YLPM1: variants seen among roughly 807,000 people sequenced by gnomAD.
The protein encoded by YLPM1 is YLP motif containing 1, also known as YLP motif-containing protein 1.
In YLPM1, 99 loss-of-function variants were observed where a neutral mutation model predicts 230.0. That is an observed-to-expected ratio of 0.43 (90% CI 0.37 to 0.51). The LOEUF (loss-of-function observed/expected upper bound fraction) is 0.51, where lower values mean the gene tolerates loss of function less well. Among genes scored for constraint, YLPM1 ranks in the 20% least tolerant of loss-of-function variants. YLPM1 has a pLI of 0.00. For missense variants in YLPM1, 2,592 were observed against 2,707.7 expected (o/e 0.96, Z 0.95); for synonymous variants, 984 against 942.5 (o/e 1.04, Z -0.81).
intron 16 of YLPM1, among the ~76,000 whole-genome samples, 196 bp downstream of exon 16, chr14:74,818,510 C>T (rs1374720460): frequency 6.6e-6 from 1 of 152,134 alleles, no homozygotes; most frequent in African/African-American, 2.4e-5. Context: ...TATTAACATT[C>T]TTGTTAATGA....
At chr14:74,785,095 C>T (rs797016303) in intron 4 of YLPM1, among the ~76,000 whole-genome samples, 81 of 152,266 alleles carry the variant, frequency 5.3e-4, no homozygotes, top group African/African-American at 1.9e-3. Context: ...CTTCCCAGGT[C>T]TTTTTCACAT....
At position 74,824,326 on chromosome 14, in the gene YLPM1, C is replaced by CTG. The variant is rs1285988177; in HGVS notation, c.6163+21_6163+22dup. 1 of 1,609,974 alleles carries CTG rather than the reference C, an allele frequency of 6.2e-7. No homozygotes were observed. Among genetic ancestry groups the CTG allele is most frequent in the Non-Finnish European group, 8.5e-7 (1 of 1,177,462 alleles). On this transcript the variant is annotated intron_variant, in intron 18 of 20. Coordinates refer to ENST00000325680, the MANE Select transcript of YLPM1 (RefSeq NM_019589.3). ...AAGCTAGGTGGGTATTTCCTTTTTC[C>CTG]TGTTTTTATATGTGATACCTGATGG... is the stretch of plus-strand genomic sequence containing the variant.
chr14:74,763,976 T>C lies in YLPM1; in HGVS notation c.487T>C (p.Ser163Pro). The C allele has an allele frequency of 7.2e-7, 1 of 1,380,394 alleles. No homozygotes were observed. The highest frequency in any genetic ancestry group is 9.6e-7 in the Non-Finnish European group (1 of 1,044,578). 85.5% of individuals were successfully genotyped at this position (1,380,394 alleles called of 1,614,324 possible). A position where few individuals can be genotyped will look rare whatever the true frequency, so the allele number is the denominator to read the frequency against. The change falls in exon 1 of 21, where the codon TCT (serine) becomes CCT (proline). Residue 163 changes from serine to proline, a missense_variant. Coordinates refer to ENST00000325680, the MANE Select transcript of YLPM1 (RefSeq NM_019589.3). ...PPGSYMPPSQ[S>P]YMPPPQPPPS... ...TGGGTCCTATATGCCCCCATCTCAGTCTTACATGCCCCCACCTCAGCCGCC... is the reference window on the plus strand; with the variant it reads ...TGGGTCCTATATGCCCCCATCTCAGCCTTACATGCCCCCACCTCAGCCGCC...
At chr14:74,829,390 G>A (rs760688445) in intron 19 of YLPM1, 47 bp downstream of exon 19, 50 of 1,608,138 alleles carry the variant, frequency 3.1e-5, no homozygotes, top group Admixed American at 6.7e-5. Flanking sequence ...GGCCCATTTA[G>A]GCATCTGGTT....
chr14:74,783,508 C>T (rs1215930998), intron 4 of YLPM1, among the ~76,000 whole-genome samples: 1 of 152,134 alleles, frequency 6.6e-6, no homozygotes, highest in African/African-American at 2.4e-5. Context: ...CTAATTCCAC[C>T]ATCTGGAGAG....
At chr14:74,831,343 G>A (rs531905448) in intron 19 of YLPM1, among the ~76,000 whole-genome samples, 1 of 152,274 alleles carries the variant, frequency 6.6e-6, no homozygotes, top group East Asian at 1.9e-4. Flanking sequence ...GATGGGTAAG[G>A]GAGAGCCCAC....
chr14:74,790,289 T>G (rs2091193407), intron 4 of YLPM1, among the ~76,000 whole-genome samples: 1 of 152,194 alleles, frequency 6.6e-6, no homozygotes, highest in Non-Finnish European at 1.5e-5. Context: ...TTGTTCTTGT[T>G]TATAGTGATA....
rs901407625 is a variant in YLPM1, at chr14:74,772,306, C to T, written c.874-6141C>T. On this transcript the variant is annotated intron_variant, in intron 1 of 20. Transcript: ENST00000325680. The stretch of plus-strand genomic sequence containing the variant: ...CTGGGCTCAAGCGATATTCGTGCCT[C>T]GGCAGCATCTTTCTTAATAACAGTA... Among the ~76,000 whole-genome samples the T allele has an allele frequency of 9.3e-5, 14 of 150,806 alleles. No individual in the cohort carries two copies. In the East Asian group the frequency reaches 1.9e-3, roughly 21 times the overall value.
chr14:74,821,077 T>C lies in YLPM1; in HGVS notation c.6051T>C (p.Asp2017=). ...AIEEVEMEDF[D]ANIEEQKEEK... ...TATAGGTAGAGATGGAAGATTTTGA[T>C]GCAAATATCGAAGAACAGAAAGAAG... The change falls in exon 17 of 21, where the codon GAT becomes GAC. Residue 2017 remains aspartate, a synonymous_variant. Coordinates refer to ENST00000325680, the MANE Select transcript of YLPM1 (RefSeq NM_019589.3). The C allele has an allele frequency of 6.5e-7, 1 of 1,534,280 alleles. No individual in the cohort carries two copies. The highest frequency in any genetic ancestry group is 8.8e-7 in the Non-Finnish European group (1 of 1,140,198).
chr14:74,821,274 G>A, intron 17 of YLPM1, 137 bp downstream of exon 17: 1 of 1,258,654 alleles, frequency 7.9e-7, no homozygotes, highest in East Asian at 2.8e-5. Flanking sequence ...CATCTTCAAG[G>A]AGACTTTTGG....
chr14:74,816,257 C>T lies in YLPM1; in HGVS notation c.5557C>T (p.Leu1853Phe). The T allele has an allele frequency of 1.2e-6, 2 of 1,610,792 alleles. No individual in the cohort carries two copies. Among genetic ancestry groups the T allele is most frequent in the Non-Finnish European group, 1.7e-6 (2 of 1,178,840 alleles). Residue 1853 changes from leucine (L) to phenylalanine (F), a missense_variant, in exon 12 of 21, where the codon CTT becomes TTT. This residue lies in a region of YLPM1 where 315 missense variants were observed against 429.3 expected (regional missense o/e 0.73). Transcript: ENST00000325680. ...PGSGKTHVAK[L>F]IRDKEVEFGG... ...CAGTGGAAAGACACATGTTGCAAAA[C>T]TTATTCGAGTGAGTATGGGGAAGCT...
rs748506993 is a variant in YLPM1, at chr14:74,778,670, C to A, written c.1097C>A (p.Pro366His). ...GAGGAAGTGCCACCTCCTCTCCCACCTGAGGAACCCCAGGTAACCATATAA... is the reference window on the plus strand; with the variant it reads ...GAGGAAGTGCCACCTCCTCTCCCACATGAGGAACCCCAGGTAACCATATAA... ...PNEEVPPPLP[P>H]EEPQSEDPEE... Residue 366 changes from proline (P) to histidine (H), a missense_variant, in exon 2 of 21, where the codon CCT becomes CAT. Physicochemically the swap from Pro to His is moderately conservative, Grantham distance 77 (BLOSUM62 -2). Transcript: ENST00000325680. The A allele has an allele frequency of 3.2e-6, 5 of 1,568,762 alleles. No homozygotes were observed. In the East Asian group the frequency reaches 1.2e-4, roughly 37 times the overall value.
Position 74,781,426 on chromosome 14 carries a change from A to G in YLPM1, c.1383A>G (p.Leu461=). 3 of 1,608,516 alleles carry G rather than the reference A, an allele frequency of 1.9e-6. No individual in the cohort carries two copies. Among genetic ancestry groups the G allele is most frequent in the South Asian group, 1.1e-5 (1 of 90,140 alleles). The change falls in exon 4 of 21, where the codon CTA becomes CTG. Residue 461 remains leucine (L), a synonymous_variant. Coordinates refer to ENST00000325680, the MANE Select transcript of YLPM1 (RefSeq NM_019589.3). ...LYQEWEREFQ[L]WEEQLHSYPH... ...AAGAATGGGAGCGAGAGTTTCAGCT[A>G]TGGGAGGAACAACTCCATTCCTATC...
At chr14:74,830,381 TTA>T (rs2091599241) in intron 19 of YLPM1, among the ~76,000 whole-genome samples, 1 of 152,212 alleles carries the variant, frequency 6.6e-6, no homozygotes, top group South Asian at 2.1e-4. Flanking sequence ...TGTATATCCT[TTA>T]AAACAAAATA....
rs547924623 is a variant in YLPM1 at position 74,767,526 on chromosome 14, A to G, written c.873+3164A>G. Reference sequence around the variant, plus strand: ...TCTTTGTTGTGGAGGGGCTTGTCCTATGCATTGTAGGATGTTTAACAGCGT... The same window carrying G: ...TCTTTGTTGTGGAGGGGCTTGTCCTGTGCATTGTAGGATGTTTAACAGCGT... On this transcript the variant is annotated intron_variant, in intron 1 of 20. Coordinates refer to ENST00000325680, the MANE Select transcript of YLPM1 (RefSeq NM_019589.3). 7.4e-4 allele frequency among the ~76,000 whole-genome samples: 113 copies of G among 152,278 alleles called. 1 individual carries two copies. The highest frequency in any genetic ancestry group is 2.4e-3 in the African/African-American group (100 of 41,558).
At chr14:74,821,738 C>T (rs1258540910) in intron 17 of YLPM1, 1 of 152,230 alleles carries the variant, frequency 6.6e-6, no homozygotes, top group Non-Finnish European at 1.5e-5. Context: ...TTCGATCACA[C>T]CTCTGTAGAG....
chr14:74,804,086 G>A (rs1262185852), intron 6 of YLPM1, among the ~76,000 whole-genome samples: 1 of 152,202 alleles, frequency 6.6e-6, no homozygotes, highest in East Asian at 1.9e-4. Flanking sequence ...GAACCCGGGA[G>A]GTAGAGGTTG....
At chr14:74,772,411 A>G (rs1359532881) in intron 1 of YLPM1, among the ~76,000 whole-genome samples, 2 of 150,006 alleles carry the variant, frequency 1.3e-5, no homozygotes, top group Non-Finnish European at 3.0e-5. Flanking sequence ...GCTGAAGTGC[A>G]GTGGCGCGAG....
rs1020342233 is a variant in YLPM1 at position 74,836,120 on chromosome 14, G to A, written c.*382G>A. ...TGTTTTTTACTGTATGTAACTGGTA[G>A]CTGATTGTACTAGGATTAAAAACAA... On this transcript the variant is annotated 3_prime_UTR_variant, in exon 21 of 21. Coordinates refer to ENST00000325680, the MANE Select transcript of YLPM1 (RefSeq NM_019589.3). 8.4e-6 allele frequency: 2 copies of A among 239,040 alleles called. No homozygotes were observed. Among genetic ancestry groups the A allele is most frequent in the African/African-American group, 4.7e-5 (2 of 42,684 alleles). 14.8% of individuals were successfully genotyped at this position (239,040 alleles called of 1,614,324 possible).
Sources: allele counts gnomAD v4.1 joint callset (sites outside exome capture counted in the v4.1 genomes callset), GRCh38; gene constraint gnomAD v4.1.1; regional missense constraint gnomAD v4.1.1; transcripts MANE v1.5; gene names NCBI Gene and HGNC (gene_info 2026-07-23, HGNC 2026-07-21).